Variants in P4HA1 observed in about 807,000 individuals in gnomAD.
The protein encoded by P4HA1 is prolyl 4-hydroxylase subunit alpha 1, also known as prolyl 4-hydroxylase subunit alpha-1.
P4HA1 carries 24 observed loss-of-function variants against 72.8 expected under a neutral mutation model. The ratio of observed to expected loss-of-function variants is 0.33; its 90% CI spans 0.24 to 0.46. The LOEUF (loss-of-function observed/expected upper bound fraction) is 0.46, where lower values mean the gene tolerates loss of function less well. Among genes scored for constraint, P4HA1 ranks in the 20% least tolerant of loss-of-function variants. The pLI is 1.00. For synonymous variants in P4HA1, 201 were observed against 218.8 expected (o/e 0.92, Z 0.72); for missense variants, 446 against 640.6 (o/e 0.70, Z 3.28).
rs1203342066 is a variant in P4HA1, at chr10:73,052,679, T to C, written c.703+672A>G. 5.3e-5 allele frequency among the ~76,000 whole-genome samples: 8 copies of C among 152,226 alleles called. No individual in the cohort carries two copies. In the East Asian group the frequency reaches 1.5e-3, roughly 29 times the overall value. The stretch of plus-strand genomic sequence containing the variant: ...CCTTTTGAGCTGTTTGATTCTAACA[T>C]GCACATATTTTCCTATTTTGTAAAA... On this transcript the variant is annotated intron_variant, in intron 6 of 14. Coordinates refer to ENST00000394890, the MANE Select transcript of P4HA1 (RefSeq NM_001017962.3).
rs1229563598 is a variant in P4HA1 at position 73,023,808 on chromosome 10, GAAAAA to G, written c.1248+6458_1248+6462del. 5.9e-5 allele frequency among the ~76,000 whole-genome samples: 5 copies of G among 85,194 alleles called. No individual in the cohort carries two copies. In the South Asian group the frequency reaches 1.0e-3, roughly 18 times the overall value. 55.9% of individuals were successfully genotyped at this position (85,194 alleles called of 152,430 possible). On this transcript the variant is annotated intron_variant, in intron 10 of 14. Transcript: ENST00000394890. ...GGAAGATCTACGAAGCAAATGGAAAGAAAAAAAAAAAAAAAAGCAGCGGCTGCAAT... is the reference window on the plus strand; with the variant it reads ...GGAAGATCTACGAAGCAAATGGAAAGAAAAAAAAAAAGCAGCGGCTGCAAT...
chr10:73,064,244 G>C (rs146118263), intron 5 of P4HA1, among the ~76,000 whole-genome samples: 15 of 152,228 alleles, frequency 9.9e-5, no homozygotes, highest in Non-Finnish European at 1.6e-4. Context: ...CGGGGTGCGG[G>C]GGGGTGGATT....
intron 9 of P4HA1, among the ~76,000 whole-genome samples, chr10:73,037,126 G>A (rs1307653777): frequency 2.0e-5 from 3 of 151,788 alleles, no homozygotes; most frequent in East Asian, 1.9e-4. Context: ...ACAATTTAGT[G>A]CCAGGAGAAA....
intron 9 of P4HA1, among the ~76,000 whole-genome samples, chr10:73,037,889 T>C (rs946413640): frequency 3.3e-5 from 5 of 152,010 alleles, no homozygotes; most frequent in Non-Finnish European, 5.9e-5. Context: ...TGTTTATATA[T>C]ATTATACTTT....
intron 1 of P4HA1, among the ~76,000 whole-genome samples, chr10:73,087,274 T>TA (rs1257206259): frequency 6.6e-6 from 1 of 150,436 alleles, no homozygotes; most frequent in Non-Finnish European, 1.5e-5. Context: ...CTTTATTTTT[T>TA]TTTTTTTTTT....
chr10:73,014,831 CTTTTT>C (rs761513290), intron 11 of P4HA1, among the ~76,000 whole-genome samples: 290 of 139,782 alleles, frequency 2.1e-3, no homozygotes, highest in Middle Eastern at 0.011. Context: ...TTTCTTTTTT[CTTTTT>C]TTTTTTTTTT....
At chr10:73,040,735 G>A (rs1256999441) in intron 9 of P4HA1, among the ~76,000 whole-genome samples, 1 of 151,954 alleles carries the variant, frequency 6.6e-6, no homozygotes, top group Admixed American at 6.6e-5. Context: ...GCCTCCCAAA[G>A]TGCTGGGATT....
At chr10:73,061,095 G>C (rs984173962) in intron 5 of P4HA1, among the ~76,000 whole-genome samples, 2 of 152,226 alleles carry the variant, frequency 1.3e-5, no homozygotes, top group Non-Finnish European at 2.9e-5. Flanking sequence ...ATCATCAAAG[G>C]CTGCCAAAAC....
At chr10:73,088,223 C>T (rs1313965888) in intron 1 of P4HA1, among the ~76,000 whole-genome samples, 1 of 152,108 alleles carries the variant, frequency 6.6e-6, no homozygotes, top group Non-Finnish European at 1.5e-5. Context: ...TTTTTGCATA[C>T]AGTGTCAAGT....
chr10:73,074,203 G>T (rs1255542562), intron 2 of P4HA1, among the ~76,000 whole-genome samples: 2 of 151,898 alleles, frequency 1.3e-5, no homozygotes, highest in Non-Finnish European at 2.9e-5. Context: ...AGACTAATTA[G>T]AATTAAATTT....
chr10:73,041,517 G>C (rs1044685047), intron 9 of P4HA1, among the ~76,000 whole-genome samples: 1 of 150,942 alleles, frequency 6.6e-6, no homozygotes, highest in Non-Finnish European at 1.5e-5. Flanking sequence ...CTCCAGCCTG[G>C]GGGCGACAGA....
Position 73,086,465 on chromosome 10 carries a change from G to A in P4HA1, c.-33+10301C>T, listed in dbSNP as rs144340387. Among the ~76,000 whole-genome samples the A allele has an allele frequency of 2.1e-3, 313 of 152,312 alleles. 1 individual carries two copies. Among genetic ancestry groups the A allele is most frequent in the African/African-American group, 7.0e-3 (291 of 41,572 alleles). On this transcript the variant is annotated intron_variant, in intron 1 of 14. Coordinates refer to ENST00000394890, the MANE Select transcript of P4HA1 (RefSeq NM_001017962.3). ...TGCCCAGGGTTAGGCAAGGGACAAT[G>A]GGAGTGACTGCTACTGGCTCTGGGG...
intron 1 of P4HA1, among the ~76,000 whole-genome samples, chr10:73,085,687 A>AT (rs922352247): frequency 9.9e-5 from 15 of 151,014 alleles, no homozygotes; most frequent in Middle Eastern, 3.2e-3. Flanking sequence ...CCGGCCAGTG[A>AT]TTTTTTTTTA....
intron 10 of P4HA1, among the ~76,000 whole-genome samples, chr10:73,026,093 TG>T (rs1268507187): frequency 2.6e-5 from 4 of 152,196 alleles, no homozygotes; most frequent in African/African-American, 9.7e-5. Flanking sequence ...TTCACAGAAT[TG>T]GAAAAATCTA....
At chr10:73,030,402 T>C in intron 9 of P4HA1, 32 bp from the exon 10 acceptor site, 1 of 1,171,228 alleles carries the variant, frequency 8.5e-7, no homozygotes, top group Admixed American at 1.9e-5. Context: ...GTTTTATTGA[T>C]AATGTTTCAT....
chr10:73,070,873 C>T (rs1246041048), intron 4 of P4HA1, among the ~76,000 whole-genome samples: 12 of 152,008 alleles, frequency 7.9e-5, no homozygotes, highest in African/African-American at 2.9e-4. Flanking sequence ...ATAAATATAT[C>T]GATTTCCTTT....
intron 8 of P4HA1, 24 bp downstream of exon 8, chr10:73,046,901 A>C: frequency 6.6e-7 from 1 of 1,516,888 alleles, no homozygotes; most frequent in Non-Finnish European, 9.1e-7. Flanking sequence ...TAAATTGAGG[A>C]GAAAGAAAGA....
At chr10:73,089,809 A>T (rs1841992397) in intron 1 of P4HA1, among the ~76,000 whole-genome samples, 1 of 152,046 alleles carries the variant, frequency 6.6e-6, no homozygotes, top group Non-Finnish European at 1.5e-5. Context: ...ATGGTTTCCT[A>T]GGGATACAGA....
At position 73,045,022 on chromosome 10, in the gene P4HA1, T is replaced by TA. The variant is rs1840820802; in HGVS notation, c.1106dup (p.Thr370AsnfsTer12). ...AATGTACCGTCTCCAAGTCTCCTGT[T>TA]ATTGGGTTTGAAATGGTGGCTCGCC... On this transcript the variant is annotated frameshift_variant, in exon 9 of 15. Coordinates refer to ENST00000394890, the MANE Select transcript of P4HA1 (RefSeq NM_001017962.3). LOFTEE classifies it high-confidence loss of function. The TA allele has an allele frequency of 6.2e-7, 1 of 1,613,686 alleles. No homozygotes were observed.
Sources: gnomAD v4.1 joint callset for allele counts (sites outside exome capture counted in the v4.1 genomes callset) on GRCh38, gnomAD v4.1.1 for gene constraint, MANE v1.5 for transcripts, NCBI Gene and HGNC (gene_info 2026-07-23, HGNC 2026-07-21) for gene names.